Variants in CSRNP3 observed in about 807,000 individuals in gnomAD.
The protein encoded by CSRNP3 is cysteine/serine-rich nuclear protein 3.
Under a neutral mutation model 48.0 loss-of-function variants are expected in CSRNP3, and 12 were observed. That is an observed-to-expected ratio of 0.25 (90% CI 0.16 to 0.41). The LOEUF (loss-of-function observed/expected upper bound fraction) is 0.41, where lower values mean the gene tolerates loss of function less well. Among genes scored for constraint, CSRNP3 ranks in the 10% least tolerant of loss-of-function variants. The pLI is 1.00. For synonymous variants in CSRNP3, 263 were observed against 269.7 expected (o/e 0.98, Z 0.24); for missense variants, 580 against 724.4 (o/e 0.80, Z 2.29).
At chr2:165,537,765 C>T (rs1437766371) in intron 3 of CSRNP3, among the ~76,000 whole-genome samples, 1 of 151,834 alleles carries the variant, frequency 6.6e-6, no homozygotes, top group Non-Finnish European at 1.5e-5. Flanking sequence ...TCTCTACACT[C>T]CCATTTCTAT....
chr2:165,623,335 TC>T (rs1558953647), intron 4 of CSRNP3, among the ~76,000 whole-genome samples: 1 of 152,038 alleles, frequency 6.6e-6, no homozygotes, highest in South Asian at 2.1e-4. Context: ...CATTAGATTC[TC>T]GTGGGAGCAC....
chr2:165,660,232 G>A (rs994013552), intron 5 of CSRNP3, among the ~76,000 whole-genome samples: 1 of 152,156 alleles, frequency 6.6e-6, no homozygotes, highest in Admixed American at 6.5e-5. Flanking sequence ...CAATTATTAA[G>A]TGATTTTATT....
chr2:165,540,671 TC>T (rs200314517), intron 3 of CSRNP3, among the ~76,000 whole-genome samples: 1 of 142,430 alleles, frequency 7.0e-6, no homozygotes, highest in Non-Finnish European at 1.5e-5. Flanking sequence ...TTCTTTTTTT[TC>T]CCCAGGAATC....
chr2:165,523,162 C>G (rs746861424), intron 3 of CSRNP3, among the ~76,000 whole-genome samples: 2 of 152,144 alleles, frequency 1.3e-5, no homozygotes, highest in African/African-American at 4.8e-5. Context: ...CCTTCAATCT[C>G]TAAGAGGGCT....
chr2:165,595,100 T>C lies in CSRNP3; in HGVS notation c.35T>C (p.Val12Ala). 4 of 1,614,122 alleles carry C rather than the reference T, an allele frequency of 2.5e-6. No individual in the cohort carries two copies. The highest frequency in any genetic ancestry group is 3.4e-6 in the Non-Finnish European group (4 of 1,179,998). ...SGILKRKFEE[V>A]DGSSPCSSVR... Reference sequence around the variant, plus strand: ...ATTTTAAAGAGGAAGTTTGAAGAAGTTGACGGCTCCTCACCCTGCTCCTCT... The same window carrying C: ...ATTTTAAAGAGGAAGTTTGAAGAAGCTGACGGCTCCTCACCCTGCTCCTCT... The change falls in exon 4 of 7, where the codon GTT becomes GCT. Residue 12 changes from valine to alanine, a missense_variant. Around this residue, in one of 4 missense-constraint regions of CSRNP3, gnomAD observed 83 missense variants for 139.6 expected, o/e 0.59. Coordinates refer to ENST00000651982, the MANE Select transcript of CSRNP3 (RefSeq NM_001172173.2).
At chr2:165,545,112 G>C (rs536382931) in intron 3 of CSRNP3, among the ~76,000 whole-genome samples, 1 of 152,254 alleles carries the variant, frequency 6.6e-6, no homozygotes, top group South Asian at 2.1e-4. Flanking sequence ...ATTGACCATT[G>C]CATTCAACAC....
chr2:165,475,145 C>G (rs143620239), intron 1 of CSRNP3, among the ~76,000 whole-genome samples: 1 of 151,824 alleles, frequency 6.6e-6, no homozygotes, highest in African/African-American at 2.4e-5. Flanking sequence ...ATGGTGTCAG[C>G]GTTTTAAAGC....
At chr2:165,668,976 G>A (rs1053401702) in intron 5 of CSRNP3, among the ~76,000 whole-genome samples, 9 of 152,028 alleles carry the variant, frequency 5.9e-5, no homozygotes, top group East Asian at 1.9e-4. Flanking sequence ...TATATTCTCC[G>A]AACTTCAATT....
intron 5 of CSRNP3, among the ~76,000 whole-genome samples, chr2:165,659,729 C>A (rs964711038): frequency 6.6e-6 from 1 of 152,158 alleles, no homozygotes; most frequent in African/African-American, 2.4e-5. Context: ...GGTAATCCAG[C>A]GTACTTAACA....
At chr2:165,671,097 G>A (rs1424739247) in intron 5 of CSRNP3, among the ~76,000 whole-genome samples, 1 of 152,056 alleles carries the variant, frequency 6.6e-6, no homozygotes, top group Non-Finnish European at 1.5e-5. Flanking sequence ...ATCTATCTGT[G>A]AGATATAAAG....
chr2:165,646,001 T>C (rs1558960706), intron 4 of CSRNP3, among the ~76,000 whole-genome samples: 1 of 152,190 alleles, frequency 6.6e-6, no homozygotes, highest in Non-Finnish European at 1.5e-5. Flanking sequence ...TGCATTGGCC[T>C]CCCAAAGTGC....
intron 3 of CSRNP3, among the ~76,000 whole-genome samples, chr2:165,528,842 T>C (rs1040084164): frequency 1.3e-5 from 2 of 152,210 alleles, no homozygotes; most frequent in African/African-American, 4.8e-5. Context: ...GCATGCTCCA[T>C]GGGTCTGGCA....
chr2:165,479,900 A>G (rs1684017237), intron 1 of CSRNP3, among the ~76,000 whole-genome samples: 1 of 149,280 alleles, frequency 6.7e-6, no homozygotes, highest in Non-Finnish European at 1.5e-5. Flanking sequence ...AAAAAAAAAT[A>G]GTCCTGCACG....
chr2:165,551,392 A>G (rs905843264), intron 3 of CSRNP3, among the ~76,000 whole-genome samples: 8 of 152,138 alleles, frequency 5.3e-5, no homozygotes, highest in Non-Finnish European at 8.8e-5. Context: ...TCTATACCCA[A>G]GTGAATAGTG....
intron 3 of CSRNP3, among the ~76,000 whole-genome samples, chr2:165,550,777 G>A (rs1310250140): frequency 6.6e-6 from 1 of 152,108 alleles, no homozygotes; most frequent in Non-Finnish European, 1.5e-5. Flanking sequence ...TCTGTCACTT[G>A]CACATGCTTA....
chr2:165,603,558 T>A (rs1685953435), intron 4 of CSRNP3, among the ~76,000 whole-genome samples: 1 of 152,112 alleles, frequency 6.6e-6, no homozygotes, highest in South Asian at 2.1e-4. Flanking sequence ...TCATCTCTTG[T>A]TTTCCCCAGT....
chr2:165,520,770 TTATATATATATATTATATATATATATATA>T (rs71028491), intron 3 of CSRNP3, among the ~76,000 whole-genome samples: 32,459 of 107,322 alleles, frequency 0.3, 4,742 homozygotes, highest in East Asian at 0.41. Context: ...TAGAAATATA[TTATATATATATATTATATATATATATATA>T]TATATATATA....
intron 4 of CSRNP3, among the ~76,000 whole-genome samples, chr2:165,629,018 A>G (rs983885745): frequency 2.0e-5 from 3 of 152,220 alleles, no homozygotes; most frequent in Admixed American, 6.5e-5. Context: ...CAGGCTCTTT[A>G]TCTCCTCCCT....
chr2:165,537,689 A>C (rs1388005167), intron 3 of CSRNP3, among the ~76,000 whole-genome samples: 2 of 151,886 alleles, frequency 1.3e-5, no homozygotes, highest in East Asian at 3.9e-4. Flanking sequence ...TGTTCACTCC[A>C]AACTTTCTTT....
Sources: allele counts gnomAD v4.1 joint callset (sites outside exome capture counted in the v4.1 genomes callset), GRCh38; gene constraint gnomAD v4.1.1; regional missense constraint gnomAD v4.1.1; transcripts MANE v1.5; gene names NCBI Gene and HGNC (gene_info 2026-07-23, HGNC 2026-07-21).